ARID1B: variants seen among roughly 807,000 people sequenced by gnomAD.
ARID1B encodes AT-rich interactive domain-containing protein 1B.
In ARID1B, 30 loss-of-function variants were observed where a neutral mutation model predicts 212.3. The ratio of observed to expected loss-of-function variants is 0.14; its 90% CI spans 0.11 to 0.19. The LOEUF (loss-of-function observed/expected upper bound fraction) is 0.19. ARID1B is among the 10% of genes least tolerant of loss of function. The pLI is 1.00. For synonymous variants in ARID1B, 1,402 were observed against 1,301.7 expected (o/e 1.08, Z -1.66); for missense variants, 2,891 against 3,204.0 (o/e 0.90, Z 2.36).
rs187743389 is a variant in ARID1B at position 156,816,059 on chromosome 6, A to G, written c.1792-13168A>G. The stretch of plus-strand genomic sequence containing the variant: ...CGCTTTATACACATTTACCATTCTT[A>G]ATTACAATAACATCTATTCATATAC... On this transcript the variant is annotated intron_variant, in intron 1 of 19. Coordinates refer to ENST00000636930, the MANE Select transcript of ARID1B (RefSeq NM_001374828.1). 3.1e-4 allele frequency among the ~76,000 whole-genome samples: 47 copies of G among 152,354 alleles called. No individual in the cohort carries two copies. In the East Asian group the frequency reaches 8.9e-3, roughly 29 times the overall value.
chr6:157,181,195 G>C lies in ARID1B; in HGVS notation c.3714+17G>C, dbSNP rs1792500405. 6.2e-7 allele frequency: 1 copy of C among 1,612,234 alleles called. No homozygotes were observed. The highest frequency in any genetic ancestry group is 8.5e-7 in the Non-Finnish European group (1 of 1,178,522). ...TTGGCCCAGGTAAGAATGAGTGAGGGAGGGGGTGAAAAAGGAAGCATTGTG... is the reference window on the plus strand; with the variant it reads ...TTGGCCCAGGTAAGAATGAGTGAGGCAGGGGGTGAAAAAGGAAGCATTGTG... On this transcript the variant is annotated intron_variant, in intron 12 of 19. Coordinates refer to ENST00000636930, the MANE Select transcript of ARID1B (RefSeq NM_001374828.1).
chr6:156,824,105 TAG>T (rs1051858021), intron 1 of ARID1B, among the ~76,000 whole-genome samples: 1 of 151,992 alleles, frequency 6.6e-6, no homozygotes, highest in African/African-American at 2.4e-5. Context: ...ATTTCTTCCT[TAG>T]AGAGAGAGAG....
At chr6:157,056,770 G>A (rs17344196) in intron 4 of ARID1B, among the ~76,000 whole-genome samples, 41,802 of 151,468 alleles carry the variant, frequency 0.28, 6,089 homozygotes, top group Non-Finnish European at 0.32. Flanking sequence ...CATTTTTGGA[G>A]CATATAAGGA....
At chr6:156,847,742 T>C (rs1784323376) in intron 2 of ARID1B, among the ~76,000 whole-genome samples, 1 of 152,212 alleles carries the variant, frequency 6.6e-6, no homozygotes, top group East Asian at 1.9e-4. Flanking sequence ...CCTTTGCCTT[T>C]AGGAGAGAAA....
chr6:157,122,732 A>G (rs746236520), intron 6 of ARID1B, among the ~76,000 whole-genome samples: 40 of 152,156 alleles, frequency 2.6e-4, no homozygotes, highest in Non-Finnish European at 5.0e-4. Flanking sequence ...AGGCTAGAGT[A>G]CAGTGGCGTG....
chr6:156,873,124 T>C (rs1226691582), intron 2 of ARID1B, among the ~76,000 whole-genome samples: 2 of 152,210 alleles, frequency 1.3e-5, no homozygotes, highest in African/African-American at 4.8e-5. Context: ...TGGCTTCTCA[T>C]GTCTGCTCCT....
chr6:157,090,965 C>T (rs966743256), intron 5 of ARID1B, among the ~76,000 whole-genome samples: 5 of 152,138 alleles, frequency 3.3e-5, no homozygotes, highest in African/African-American at 9.7e-5. Context: ...AGCCGCCTCC[C>T]GCCTGGGGTA....
chr6:156,843,843 C>G (rs1028615576), intron 2 of ARID1B, among the ~76,000 whole-genome samples: 1 of 152,042 alleles, frequency 6.6e-6, no homozygotes, highest in Non-Finnish European at 1.5e-5. Context: ...CAAAGTACAT[C>G]ATGGGAGCAG....
intron 2 of ARID1B, among the ~76,000 whole-genome samples, chr6:156,894,267 C>CCG (rs1788196832): frequency 1.5e-4 from 4 of 26,864 alleles, no homozygotes; most frequent in African/African-American, 3.4e-4. Flanking sequence ...TGGTGCTTGC[C>CCG]GGGGGTTGGG....
At chr6:157,185,609 A>T (rs1583471922) in intron 13 of ARID1B, 1 of 152,244 alleles carries the variant, frequency 6.6e-6, no homozygotes, top group Non-Finnish European at 1.5e-5. Context: ...TATCTGGGGC[A>T]TCTGGTGCTA....
chr6:156,969,892 C>CTT (rs201337033), intron 4 of ARID1B, among the ~76,000 whole-genome samples: 142 of 134,516 alleles, frequency 1.1e-3, no homozygotes, highest in South Asian at 2.9e-3. Flanking sequence ...TTATATAATG[C>CTT]TTTTTTTTTT....
At chr6:157,035,851 C>A (rs748004647) in intron 4 of ARID1B, among the ~76,000 whole-genome samples, 53 of 152,184 alleles carry the variant, frequency 3.5e-4, no homozygotes, top group Non-Finnish European at 5.3e-4. Flanking sequence ...TTTTAACTTT[C>A]ATACTGGATG....
At chr6:157,105,228 G>A (rs571686032) in intron 5 of ARID1B, among the ~76,000 whole-genome samples, 30 of 152,198 alleles carry the variant, frequency 2.0e-4, no homozygotes, top group Middle Eastern at 3.4e-3. Context: ...AGAAAACTAG[G>A]GTGAATTCCT....
chr6:157,201,446 C>T lies in ARID1B; in HGVS notation c.5221C>T (p.Pro1741Ser), dbSNP rs2128377081. The T allele has an allele frequency of 6.5e-7, 1 of 1,527,450 alleles. No individual in the cohort carries two copies. The highest frequency in any genetic ancestry group is 8.8e-7 in the Non-Finnish European group (1 of 1,136,388). 94.6% of individuals were successfully genotyped at this position (1,527,450 alleles called of 1,614,324 possible). A position where few individuals can be genotyped will look rare whatever the true frequency, so the allele number is the denominator to read the frequency against. Residue 1741 changes from proline to serine, a missense_variant, in exon 18 of 20, where the codon CCA becomes TCA. This residue lies in a region of ARID1B where 666 missense variants were observed against 873.5 expected (regional missense o/e 0.76). Coordinates refer to ENST00000636930, the MANE Select transcript of ARID1B (RefSeq NM_001374828.1). This position sits in a 1 kb window ranked among gnomAD's most constrained non-coding sequence, Gnocchi z 5.2. Reference sequence around the variant, plus strand: ...TCCTGGCTCAGTAGAAGCATCACAACCAGTCTTGAAACAAAGGCGAAAGAT... The same window carrying T: ...TCCTGGCTCAGTAGAAGCATCACAATCAGTCTTGAAACAAAGGCGAAAGAT... ...FPPGSVEASQPVLKQRRKITS... is the reference protein window; with the variant it reads ...FPPGSVEASQSVLKQRRKITS...
At chr6:157,157,899 T>C (rs907042610) in intron 8 of ARID1B, among the ~76,000 whole-genome samples, 13 of 152,138 alleles carry the variant, frequency 8.5e-5, no homozygotes, top group Non-Finnish European at 1.5e-5. Context: ...AGCGCACACC[T>C]CTAGTTCCAG....
rs536552576 is a variant in ARID1B at position 157,028,018 on chromosome 6, T to C, written c.2248-56644T>C. Among the ~76,000 whole-genome samples, 311 of 152,342 alleles carry C rather than the reference T, an allele frequency of 2.0e-3. 2 individuals carry two copies. Among genetic ancestry groups the C allele is most frequent in the African/African-American group, 7.0e-3 (293 of 41,590 alleles). Reference sequence around the variant, plus strand: ...ATTACATTTTTGGAGAATCTAAACTTACCAAGCTGTAGCATAAGACATTGG... The same window carrying C: ...ATTACATTTTTGGAGAATCTAAACTCACCAAGCTGTAGCATAAGACATTGG... On this transcript the variant is annotated intron_variant, in intron 4 of 19. Transcript: ENST00000636930.
chr6:156,958,987 C>G (rs1327013754), intron 4 of ARID1B, among the ~76,000 whole-genome samples: 1 of 152,144 alleles, frequency 6.6e-6, no homozygotes, highest in Non-Finnish European at 1.5e-5. Flanking sequence ...GTGCCTCAAC[C>G]TAAACACCAA....
intron 1 of ARID1B, among the ~76,000 whole-genome samples, chr6:156,818,767 A>G (rs1782151659): frequency 1.3e-5 from 2 of 152,182 alleles, no homozygotes; most frequent in Non-Finnish European, 2.9e-5. Context: ...ACTGCCCGCA[A>G]CTCTGCAGGA....
intron 3 of ARID1B, among the ~76,000 whole-genome samples, chr6:156,921,161 A>G (rs1265793210): frequency 6.6e-6 from 1 of 152,086 alleles, no homozygotes; most frequent in African/African-American, 2.4e-5. Context: ...CAGGATGAAT[A>G]TATTAGTCAC....
Sources: allele counts gnomAD v4.1 joint callset (sites outside exome capture counted in the v4.1 genomes callset), GRCh38; gene constraint gnomAD v4.1.1; regional missense constraint gnomAD v4.1.1; non-coding constraint Gnocchi (gnomAD v3.1); transcripts MANE v1.5; gene names NCBI Gene and HGNC (gene_info 2026-07-23, HGNC 2026-07-21).